MSR1: variants seen among roughly 807,000 people sequenced by gnomAD.
MSR1 encodes macrophage scavenger receptor 1.
In MSR1, 53 loss-of-function variants were observed where a neutral mutation model predicts 47.2. That is an observed-to-expected ratio of 1.12 (90% CI 0.90 to 1.41). The LOEUF is 1.41. Among genes scored for constraint, MSR1 ranks in the 40% most tolerant of loss-of-function variants. The probability of loss-of-function intolerance (pLI) is 0.00; values close to 1 mark genes in which losing one functional copy is unlikely to be tolerated. For synonymous variants in MSR1, 239 were observed against 185.6 expected, an observed-to-expected ratio of 1.29 and a Z score of -2.34; for missense variants, 786 against 546.9, an observed-to-expected ratio of 1.44 and a Z score of -4.36.
chr8:16,127,278 A>C (rs17620682), intron 8 of MSR1, among the ~76,000 whole-genome samples: 6,235 of 152,194 alleles, frequency 0.041, 226 homozygotes, highest in East Asian at 0.12. Flanking sequence ...CCTGAGCCCA[A>C]CTTCTAGAAC....
chr8:16,157,009 C>T (rs1176754815), intron 5 of MSR1, among the ~76,000 whole-genome samples: 2 of 151,898 alleles, frequency 1.3e-5, no homozygotes, highest in Non-Finnish European at 2.9e-5. Context: ...GACAGACACT[C>T]AATTTATGCC....
At chr8:16,145,989 T>C (rs1800686743) in intron 7 of MSR1, among the ~76,000 whole-genome samples, 1 of 152,132 alleles carries the variant, frequency 6.6e-6, no homozygotes, top group African/African-American at 2.4e-5. Context: ...CCAGGTCATA[T>C]GTAGGAGGAT....
At position 16,175,240 on chromosome 8, in the gene MSR1, G is replaced by C. The variant is rs1249865550; in HGVS notation, c.164C>G (p.Ala55Gly). Residue 55 changes from alanine to glycine, a missense_variant, in exon 3 of 10, where the codon GCC becomes GGC. By Grantham distance (60) the Ala-to-Gly change is moderately conservative. Coordinates refer to ENST00000262101, the MANE Select transcript of MSR1 (RefSeq NM_138715.3). Reference protein sequence around the residue: ...KLKSFKAALIALYLLVFAVLI... With the variant: ...KLKSFKAALIGLYLLVFAVLI... ...AACTGCAAACACGAGGAGGTAAAGG[G>C]CAATCAGTGCAGCTTTGAAGGACTT... 2 of 1,614,066 alleles carry C rather than the reference G, an allele frequency of 1.2e-6. No homozygotes were observed. The highest frequency in any genetic ancestry group is 1.7e-6 in the Non-Finnish European group (2 of 1,179,996).
intron 5 of MSR1, among the ~76,000 whole-genome samples, chr8:16,157,767 C>G (rs1363157443): frequency 1.3e-5 from 2 of 151,962 alleles, no homozygotes; most frequent in Non-Finnish European, 2.9e-5. Flanking sequence ...CCCATTGTAG[C>G]TCACGTCTTC....
At chr8:16,153,467 G>T (rs1430672904) in intron 6 of MSR1, among the ~76,000 whole-genome samples, 1 of 151,892 alleles carries the variant, frequency 6.6e-6, no homozygotes, top group African/African-American at 2.4e-5. Context: ...ACTGGGTAAT[G>T]CCTATTTGTG....
At chr8:16,133,273 A>T (rs917632908) in intron 8 of MSR1, among the ~76,000 whole-genome samples, 1 of 152,200 alleles carries the variant, frequency 6.6e-6, no homozygotes, top group African/African-American at 2.4e-5. Context: ...GAATTTAACT[A>T]TATCAATGTT....
At chr8:16,127,532 A>G (rs1479989575) in intron 8 of MSR1, among the ~76,000 whole-genome samples, 2 of 152,154 alleles carry the variant, frequency 1.3e-5, no homozygotes, top group Non-Finnish European at 2.9e-5. Flanking sequence ...AGTATATCTT[A>G]TCTCTACACA....
intron 1 of MSR1, among the ~76,000 whole-genome samples, chr8:16,183,793 A>G: frequency 7.0e-6 from 1 of 143,448 alleles, no homozygotes; most frequent in South Asian, 2.1e-4. Flanking sequence ...AATATATTAT[A>G]TATTATATTA....
intron 8 of MSR1, chr8:16,120,838 T>G: frequency 5.3e-6 from 3 of 565,074 alleles, no homozygotes; most frequent in Non-Finnish European, 9.3e-6. Context: ...CAATCTGTCT[T>G]ACATGTAAGT....
At chr8:16,125,985 C>T (rs1170865890) in intron 8 of MSR1, among the ~76,000 whole-genome samples, 1 of 152,010 alleles carries the variant, frequency 6.6e-6, no homozygotes, top group South Asian at 2.1e-4. Context: ...TAAATGTGAA[C>T]ATTTCAAAGG....
At chr8:16,139,356 T>TCA in intron 8 of MSR1, 1 of 945,078 alleles carries the variant, frequency 1.1e-6, no homozygotes, top group African/African-American at 1.8e-5. Context: ...CAGAGCATCT[T>TCA]CACACACACA....
At chr8:16,156,985 A>G (rs1352408220) in intron 5 of MSR1, among the ~76,000 whole-genome samples, 1 of 151,888 alleles carries the variant, frequency 6.6e-6, no homozygotes, top group Non-Finnish European at 1.5e-5. Context: ...ATCCCAGGGG[A>G]GGGGGGCAAG....
In MSR1 at chr8:16,120,485, C is replaced by G. The variant is rs1326404889; in HGVS notation, c.1155G>C (p.Gln385His). 1 of 1,613,932 alleles carries G rather than the reference C, an allele frequency of 6.2e-7. No homozygotes were observed. Among genetic ancestry groups the G allele is most frequent in the Non-Finnish European group, 8.5e-7 (1 of 1,179,922 alleles). ...CDDRWEVRVG[Q>H]VVCRSLGYPG... is the part of the protein sequence containing the mutation. ...GGTATCCCAAGCTCCTACAGACGAC[C>G]TGTCCAACGCGCACTTCCCAGCGAT... Residue 385 changes from glutamine (Q) to histidine (H), a missense_variant, in exon 9 of 10, where the codon CAG (glutamine) becomes CAC (histidine). Physicochemically the swap from Gln to His is conservative, Grantham distance 24. Transcript: ENST00000262101.
At position 16,179,500 on chromosome 8, in the gene MSR1, C is replaced by G. The variant is rs147003823; in HGVS notation, c.-4-1508G>C. 1.6e-3 allele frequency among the ~76,000 whole-genome samples: 248 copies of G among 152,208 alleles called. 2 individuals carry two copies. The highest frequency in any genetic ancestry group is 5.7e-3 in the African/African-American group (237 of 41,548). On this transcript the variant is annotated intron_variant, in intron 1 of 9. Coordinates refer to ENST00000262101, the MANE Select transcript of MSR1 (RefSeq NM_138715.3). ...TTTCCTTAGTATTATTTTAATTACT[C>G]TATTTGCTGAAAAAACAATAATTTC...
chr8:16,130,689 T>C (rs1800235061), intron 8 of MSR1, among the ~76,000 whole-genome samples: 1 of 152,024 alleles, frequency 6.6e-6, no homozygotes, highest in African/African-American at 2.4e-5. Context: ...TGTGTCCGTA[T>C]CTACTCAAAG....
At position 16,120,616 on chromosome 8, in the gene MSR1, T is replaced by TAAA. The variant is rs60866666; in HGVS notation, c.1034-13_1034-11dup. The stretch of plus-strand genomic sequence containing the variant: ...ACTTTCGTAAATGGAGCTGTAAAGT[T>TAAA]AAAAAAAAAAAAAAAAAAAAAAAAA... On this transcript the variant is annotated splice_polypyrimidine_tract_variant and intron_variant, in intron 8 of 9. Coordinates refer to ENST00000262101, the MANE Select transcript of MSR1 (RefSeq NM_138715.3). 9,219 of 1,185,990 alleles carry TAAA rather than the reference T, an allele frequency of 7.8e-3. 9 individuals are homozygous for TAAA. The highest frequency in any genetic ancestry group is 0.02 in the East Asian group (597 of 29,302). 73.5% of individuals were successfully genotyped at this position (1,185,990 alleles called of 1,614,324 possible).
At chr8:16,192,433 C>T (rs1370519977) in intron 1 of MSR1, among the ~76,000 whole-genome samples, 165 bp downstream of exon 1, 3 of 144,878 alleles carry the variant, frequency 2.1e-5, no homozygotes, top group African/African-American at 8.1e-5. Flanking sequence ...AAAAACCAAA[C>T]CAAATTATTG....
intron 4 of MSR1, among the ~76,000 whole-genome samples, chr8:16,165,329 A>G (rs1204914505): frequency 2.6e-5 from 4 of 152,176 alleles, no homozygotes; most frequent in African/African-American, 9.6e-5. Flanking sequence ...GAGTAGGTAC[A>G]TAGCAAATCA....
At chr8:16,185,745 A>C (rs990562754) in intron 1 of MSR1, among the ~76,000 whole-genome samples, 2 of 152,028 alleles carry the variant, frequency 1.3e-5, no homozygotes, top group African/African-American at 4.8e-5. Flanking sequence ...GGAAAATCCA[A>C]GGGCATTAAG....
Sources: gnomAD v4.1 joint callset for allele counts (sites outside exome capture counted in the v4.1 genomes callset) on GRCh38, gnomAD v4.1.1 for gene constraint, MANE v1.5 for transcripts, NCBI Gene and HGNC (gene_info 2026-07-23, HGNC 2026-07-21) for gene names.